The following GLRA3 variants were observed in gnomAD, a reference collection of about 807,000 sequenced individuals.
GLRA3 encodes the protein glycine receptor alpha 3.
GLRA3 carries 44 observed loss-of-function variants against 60.4 expected under a neutral mutation model. The observed-to-expected ratio is 0.73, with a 90% CI of 0.57 to 0.94. The LOEUF is 0.94. GLRA3 is among the 40% of genes least tolerant of loss of function. GLRA3 has a pLI of 0.00. For missense variants in GLRA3, 508 were observed against 564.6 expected (o/e 0.90, Z 1.02); for synonymous variants, 223 against 192.9 (o/e 1.16, Z -1.29).
intron 3 of GLRA3, among the ~76,000 whole-genome samples, chr4:174,762,513 C>T (rs988441125): frequency 6.6e-6 from 1 of 152,020 alleles, no homozygotes; most frequent in African/African-American, 2.4e-5. Context: ...ATTTTAAGTA[C>T]TGGAAGGCAT....
chr4:174,725,954 TG>T (rs1297197991), intron 4 of GLRA3, among the ~76,000 whole-genome samples: 1 of 152,222 alleles, frequency 6.6e-6, no homozygotes, highest in Non-Finnish European at 1.5e-5. Flanking sequence ...TAAACTTTTT[TG>T]GTTTTCTCTG....
At chr4:174,763,352 C>A (rs980264888) in intron 3 of GLRA3, among the ~76,000 whole-genome samples, 1 of 152,280 alleles carries the variant, frequency 6.6e-6, no homozygotes, top group East Asian at 1.9e-4. Flanking sequence ...CATCACTCAA[C>A]AATTACAGCT....
At chr4:174,794,965 G>A (rs1739503554) in intron 1 of GLRA3, among the ~76,000 whole-genome samples, 1 of 151,714 alleles carries the variant, frequency 6.6e-6, no homozygotes, top group Admixed American at 6.6e-5. Context: ...TTATTGACAT[G>A]TTCCAAAGAG....
rs2110820887 is a variant in GLRA3 at position 174,638,783 on chromosome 4, A to C, written c.*5003T>G. On this transcript the variant is annotated 3_prime_UTR_variant, in exon 10 of 10. Transcript: ENST00000274093. ...CAGAATTTCAGATCTTATTCCAAAA[A>C]TACTAAATTTAGCACTTGGGACAGT... 6.6e-6 allele frequency: 1 copy of C among 152,308 alleles called. No individual in the cohort carries two copies. The highest frequency in any genetic ancestry group is 2.1e-4 in the South Asian group (1 of 4,824). The allele number at this position is 152,308 out of a possible 1,614,324, so 9.4% of individuals were successfully genotyped here.
intron 5 of GLRA3, among the ~76,000 whole-genome samples, chr4:174,692,702 G>A (rs1013498196): frequency 5.3e-5 from 8 of 151,332 alleles, no homozygotes; most frequent in African/African-American, 9.7e-5. Flanking sequence ...GATTAAGGGC[G>A]GTGCAAGATG....
chr4:174,668,780 A>G (rs1733783167), intron 7 of GLRA3, among the ~76,000 whole-genome samples: 1 of 152,162 alleles, frequency 6.6e-6, no homozygotes, highest in South Asian at 2.1e-4. Context: ...ATCCCTTAAG[A>G]GAGATAGTTT....
At chr4:174,757,367 T>A (rs770354084) in intron 3 of GLRA3, among the ~76,000 whole-genome samples, 77 of 152,238 alleles carry the variant, frequency 5.1e-4, no homozygotes, top group Non-Finnish European at 3.7e-4. Context: ...CATCTGGTGA[T>A]CAGATCTGGG....
chr4:174,683,960 T>C (rs968074144), intron 5 of GLRA3, among the ~76,000 whole-genome samples: 7 of 152,216 alleles, frequency 4.6e-5, no homozygotes, highest in African/African-American at 1.4e-4. Context: ...TAGCATTCAT[T>C]ATTGATATAT....
intron 1 of GLRA3, among the ~76,000 whole-genome samples, chr4:174,797,825 G>C (rs573792986): frequency 2.0e-5 from 3 of 152,016 alleles, no homozygotes. Context: ...CAGCTACTCT[G>C]AGGCAGGAGA....
At position 174,639,946 on chromosome 4, in the gene GLRA3, G is replaced by A. The variant is rs980490559; in HGVS notation, c.*3840C>T. On this transcript the variant is annotated 3_prime_UTR_variant, in exon 10 of 10. Coordinates refer to ENST00000274093, the MANE Select transcript of GLRA3 (RefSeq NM_006529.4). ...GTACAAGATGCAATGGGTATTATGG[G>A]TACTTTATTTGCAAGAGGGAATCTG... is the stretch of plus-strand genomic sequence containing the variant. 1.3e-5 allele frequency: 2 copies of A among 152,026 alleles called. No homozygotes were observed. The highest frequency in any genetic ancestry group is 4.8e-5 in the African/African-American group (2 of 41,404). 9.4% of individuals were successfully genotyped at this position (152,026 alleles called of 1,614,324 possible). A position where few individuals can be genotyped will look rare whatever the true frequency, so the allele number is the denominator to read the frequency against.
rs182264603 is a variant in GLRA3 at position 174,643,141 on chromosome 4, C to G, written c.*645G>C. The G allele has an allele frequency of 1.1e-4, 93 of 877,422 alleles. No homozygotes were observed. In the African/African-American group the frequency reaches 1.7e-3, roughly 16 times the overall value. 54.4% of individuals were successfully genotyped at this position (877,422 alleles called of 1,614,324 possible). A position where few individuals can be genotyped will look rare whatever the true frequency, so the allele number is the denominator to read the frequency against. On this transcript the variant is annotated 3_prime_UTR_variant, in exon 10 of 10. Coordinates refer to ENST00000274093, the MANE Select transcript of GLRA3 (RefSeq NM_006529.4). ...AGAAAAGTAGATTGTGACTGTAACA[C>G]GATCTCTTGTTATTTGTTTTAAATT...
At chr4:174,645,760 T>C (rs1365445783) in intron 9 of GLRA3, among the ~76,000 whole-genome samples, 1 of 152,158 alleles carries the variant, frequency 6.6e-6, no homozygotes, top group African/African-American at 2.4e-5. Context: ...TGAAAATCGA[T>C]TTTCCACTAC....
At chr4:174,764,138 T>A (rs897057677) in intron 3 of GLRA3, among the ~76,000 whole-genome samples, 1 of 152,152 alleles carries the variant, frequency 6.6e-6, no homozygotes, top group Non-Finnish European at 1.5e-5. Flanking sequence ...CGCATTTTTT[T>A]AAATTTGTGC....
chr4:174,808,244 A>T (rs1357605555), intron 1 of GLRA3, among the ~76,000 whole-genome samples: 2 of 152,186 alleles, frequency 1.3e-5, no homozygotes, highest in Admixed American at 6.6e-5. Flanking sequence ...ATGGATATAC[A>T]GTCATGCACC....
At position 174,829,081 on chromosome 4, in the gene GLRA3, G is replaced by A; in HGVS notation, c.-270C>T. On this transcript the variant is annotated 5_prime_UTR_variant, in exon 1 of 10. Coordinates refer to ENST00000274093, the MANE Select transcript of GLRA3 (RefSeq NM_006529.4). ...GAGATGAAATGTCTGAAGTGCCTAG[G>A]TGCTGGGCAACAGTTCTCTAAAGCT... 1 of 360,914 alleles carries A rather than the reference G, an allele frequency of 2.8e-6. No individual in the cohort carries two copies. Among genetic ancestry groups the A allele is most frequent in the Non-Finnish European group, 5.1e-6 (1 of 194,684 alleles). 22.4% of individuals were successfully genotyped at this position (360,914 alleles called of 1,614,324 possible). A position where few individuals can be genotyped will look rare whatever the true frequency, so the allele number is the denominator to read the frequency against.
Position 174,638,508 on chromosome 4 carries a change from T to G in GLRA3, c.*5278A>C, listed in dbSNP as rs1269597880. On this transcript the variant is annotated 3_prime_UTR_variant, in exon 10 of 10. Coordinates refer to ENST00000274093, the MANE Select transcript of GLRA3 (RefSeq NM_006529.4). ...CAGGGTTTTATCATATTGGCCAGGC[T>G]GGTGTCTTAACTCCTGACCTCAAGT... 1 of 152,192 alleles carries G rather than the reference T, an allele frequency of 6.6e-6. No individual in the cohort carries two copies. The highest frequency in any genetic ancestry group is 2.1e-4 in the South Asian group (1 of 4,836). 9.4% of individuals were successfully genotyped at this position (152,192 alleles called of 1,614,324 possible). A position where few individuals can be genotyped will look rare whatever the true frequency, so the allele number is the denominator to read the frequency against.
chr4:174,646,683 A>C (rs1159560608), intron 9 of GLRA3, among the ~76,000 whole-genome samples: 1 of 152,180 alleles, frequency 6.6e-6, no homozygotes, highest in Non-Finnish European at 1.5e-5. Context: ...GGGGCAAAGG[A>C]AGCTCTTGAG....
chr4:174,777,517 T>C (rs1738647106), intron 2 of GLRA3, among the ~76,000 whole-genome samples: 1 of 152,102 alleles, frequency 6.6e-6, no homozygotes, highest in Non-Finnish European at 1.5e-5. Context: ...AAAAGATCAT[T>C]GATTGCCAGA....
At chr4:174,663,214 G>C (rs1014902287) in intron 7 of GLRA3, among the ~76,000 whole-genome samples, 1 of 152,168 alleles carries the variant, frequency 6.6e-6, no homozygotes, top group African/African-American at 2.4e-5. Flanking sequence ...ACTGGGCAAA[G>C]AGCAGTGCAT....
Sources: allele counts gnomAD v4.1 joint callset (sites outside exome capture counted in the v4.1 genomes callset), GRCh38; gene constraint gnomAD v4.1.1; transcripts MANE v1.5; gene names NCBI Gene and HGNC (gene_info 2026-07-23, HGNC 2026-07-21).